The following TENM2 variants were observed in gnomAD, a reference collection of about 807,000 sequenced individuals.
TENM2 encodes teneurin-2.
A neutral mutation model predicts 245.2 loss-of-function variants in TENM2; 52 were observed. That is an observed-to-expected ratio of 0.21 (90% CI 0.17 to 0.27). The LOEUF is 0.27. TENM2 is among the 10% of genes least tolerant of loss of function. The pLI is 1.00. For synonymous variants in TENM2, 1,363 were observed against 1,438.9 expected (o/e 0.95, Z 1.19); for missense variants, 3,046 against 3,666.8 (o/e 0.83, Z 4.37).
intron 13 of TENM2, among the ~76,000 whole-genome samples, chr5:168,184,850 C>A (rs1231931995): frequency 6.6e-6 from 1 of 152,200 alleles, no homozygotes; most frequent in Non-Finnish European, 1.5e-5. Flanking sequence ...TAAAATCTAG[C>A]AGAGTACACT....
the TENM2 span, among the ~76,000 whole-genome samples, chr5:167,209,940 T>G: frequency 2.6e-5 from 4 of 152,222 alleles, no homozygotes; most frequent in African/African-American, 9.6e-5. Context: ...AACTTTTTCC[T>G]TGGTGTCTTG....
intron 2 of TENM2, among the ~76,000 whole-genome samples, chr5:167,386,328 C>G (rs1047661333): frequency 1.3e-5 from 2 of 152,020 alleles, no homozygotes; most frequent in African/African-American, 4.8e-5. Flanking sequence ...TGAAAATAAT[C>G]TATTCTTGTC....
intron 2 of TENM2, among the ~76,000 whole-genome samples, chr5:167,528,967 T>C (rs1392765652): frequency 6.6e-6 from 1 of 152,146 alleles, no homozygotes; most frequent in African/African-American, 2.4e-5. Context: ...CGAGTAAGTA[T>C]TGTAGGTGTG....
chr5:168,223,970 C>T (rs1763911065), intron 23 of TENM2, among the ~76,000 whole-genome samples: 1 of 151,838 alleles, frequency 6.6e-6, no homozygotes, highest in Admixed American at 6.6e-5. Context: ...CCCCACACTT[C>T]CACTCAACAC....
At chr5:167,314,430 G>A (rs1402800042) in intron 1 of TENM2, among the ~76,000 whole-genome samples, 1 of 152,078 alleles carries the variant, frequency 6.6e-6, no homozygotes, top group Non-Finnish European at 1.5e-5. Context: ...AAATTAAAAG[G>A]CTGTTAAAAT....
chr5:167,060,623 C>A, the TENM2 span, among the ~76,000 whole-genome samples: 4 of 147,310 alleles, frequency 2.7e-5, no homozygotes, highest in Non-Finnish European at 4.5e-5. Context: ...TGCACTCCAG[C>A]CTGATCAACA....
chr5:167,100,375 C>G, the TENM2 span, among the ~76,000 whole-genome samples: 14 of 152,088 alleles, frequency 9.2e-5, no homozygotes, highest in South Asian at 2.1e-4. Context: ...CCCGAGAGAC[C>G]TGCAGTTGTC....
rs190363134 is a variant in TENM2, at chr5:168,086,851, C to T, written c.1516-3723C>T. Among the ~76,000 whole-genome samples, 5 of 152,334 alleles carry T rather than the reference C, an allele frequency of 3.3e-5. No individual in the cohort carries two copies. In the East Asian group the frequency reaches 9.7e-4, roughly 29 times the overall value. ...TTGAGGGATGAAAAGGAAACTCTGG[C>T]CAGGGCCTGAGCTTTTGGAAAATGC... On this transcript the variant is annotated intron_variant, in intron 7 of 28. Coordinates refer to ENST00000518659, the Ensembl canonical transcript of TENM2.
the TENM2 span, among the ~76,000 whole-genome samples, chr5:167,023,700 A>G: frequency 0.34 from 51,817 of 152,062 alleles, 9,987 homozygotes; most frequent in Non-Finnish European, 0.45. Context: ...AGTTTTATGT[A>G]CTCTCAAGCA....
chr5:167,673,674 A>C (rs543619229), intron 2 of TENM2, among the ~76,000 whole-genome samples: 1 of 152,264 alleles, frequency 6.6e-6, no homozygotes, highest in Admixed American at 6.5e-5. Context: ...TGGTCTCAGA[A>C]AAGGGGGTCA....
At chr5:167,238,323 A>C in the TENM2 span, among the ~76,000 whole-genome samples, 521 of 152,336 alleles carry the variant, frequency 3.4e-3, 4 homozygotes, top group African/African-American at 0.012. Context: ...GTATCATACA[A>C]TCAATAGATC....
intron 5 of TENM2, among the ~76,000 whole-genome samples, chr5:168,022,054 A>G (rs1174874711): frequency 1.3e-5 from 2 of 152,262 alleles, no homozygotes; most frequent in African/African-American, 4.8e-5. Context: ...TTAAGTGATC[A>G]TTTTAGGAAT....
intron 2 of TENM2, among the ~76,000 whole-genome samples, chr5:167,660,863 G>A (rs536388087): frequency 6.6e-6 from 1 of 152,256 alleles, no homozygotes; most frequent in Middle Eastern, 3.4e-3. Context: ...TATTCAGCAA[G>A]TATTTGAAGA....
intron 2 of TENM2, among the ~76,000 whole-genome samples, chr5:167,872,601 G>T (rs1773080511): frequency 6.6e-6 from 1 of 152,014 alleles, no homozygotes; most frequent in African/African-American, 2.4e-5. Context: ...ATTTGCTGGG[G>T]GCAGATCTAG....
chr5:167,604,781 T>C lies in TENM2; in HGVS notation c.502+229308T>C, dbSNP rs534595982. The stretch of plus-strand genomic sequence containing the variant: ...ATAAGCAAACCTAGGATCAGGCATC[T>C]GGTGGTTTGCAGACTAGTAGGAGGG... On this transcript the variant is annotated intron_variant, in intron 2 of 28. Transcript: ENST00000518659. Among the ~76,000 whole-genome samples, 8 of 152,306 alleles carry C rather than the reference T, an allele frequency of 5.3e-5. No individual in the cohort carries two copies. The South Asian group carries it at 6.2e-4, about 12-fold the overall frequency.
chr5:167,068,674 A>T, the TENM2 span, among the ~76,000 whole-genome samples: 3 of 152,192 alleles, frequency 2.0e-5, no homozygotes, highest in Admixed American at 2.0e-4. Flanking sequence ...CACAGTGTAG[A>T]CCTGGGGCTT....
In TENM2 at chr5:167,674,407, A is replaced by G. The variant is rs537107863; in HGVS notation, c.503-201579A>G. 5.3e-5 allele frequency among the ~76,000 whole-genome samples: 8 copies of G among 152,264 alleles called. No individual in the cohort carries two copies. In the South Asian group the frequency reaches 1.7e-3, roughly 32 times the overall value. On this transcript the variant is annotated intron_variant, in intron 2 of 28. Transcript: ENST00000518659. Reference sequence around the variant, plus strand: ...AAAATGTTTATTCCTGTAAAAGTACATATGCAAGTCAAATACAGAAACCCA... The same window carrying G: ...AAAATGTTTATTCCTGTAAAAGTACGTATGCAAGTCAAATACAGAAACCCA...
chr5:167,445,663 A>G (rs1674689933), intron 2 of TENM2, among the ~76,000 whole-genome samples: 1 of 152,104 alleles, frequency 6.6e-6, no homozygotes, highest in Non-Finnish European at 1.5e-5. Context: ...AGAATATCCT[A>G]TAGGCAGTGT....
chr5:167,984,493 T>TA (rs1213095262), intron 4 of TENM2, among the ~76,000 whole-genome samples: 3 of 152,132 alleles, frequency 2.0e-5, no homozygotes, highest in African/African-American at 7.2e-5. Flanking sequence ...CCGTCTCTAC[T>TA]AAAAATACAA....
Sources: allele counts gnomAD v4.1 joint callset (sites outside exome capture counted in the v4.1 genomes callset), GRCh38; gene constraint gnomAD v4.1.1; transcripts MANE v1.5; gene names NCBI Gene and HGNC (gene_info 2026-07-23, HGNC 2026-07-21).